Variants in NDUFAF6 observed in about 807,000 individuals in gnomAD.
The protein encoded by NDUFAF6 is NADH:ubiquinone oxidoreductase complex assembly factor 6.
In NDUFAF6, 45 loss-of-function variants were observed where a neutral mutation model predicts 40.8. That is an observed-to-expected ratio of 1.10 (90% CI 0.87 to 1.42). NDUFAF6 has a LOEUF of 1.42. NDUFAF6 is among the 40% of genes most tolerant of loss of function. The pLI is 0.00. For synonymous variants in NDUFAF6, 185 were observed against 155.9 expected (o/e 1.19, Z -1.39); for missense variants, 435 against 418.5 (o/e 1.04, Z -0.34).
chr8:95,005,552 TAAAA>T (rs869215515), intron 2 of NDUFAF6, among the ~76,000 whole-genome samples: 1 of 112,204 alleles, frequency 8.9e-6, no homozygotes, highest in Admixed American at 9.0e-5. Context: ...TATATATATA[TAAAA>T]AATATATTAA....
chr8:94,974,001 G>A (rs1365644410), intron 1 of NDUFAF6, among the ~76,000 whole-genome samples: 1 of 152,072 alleles, frequency 6.6e-6, no homozygotes, highest in Non-Finnish European at 1.5e-5. Context: ...AACCAACTAA[G>A]ATAAGGGTGT....
At chr8:94,946,752 G>A (rs1004956221) in intron 2 of NDUFAF6, among the ~76,000 whole-genome samples, 1 of 142,224 alleles carries the variant, frequency 7.0e-6, no homozygotes, top group African/African-American at 2.6e-5. Context: ...TCTTGGCTCT[G>A]CTACTTGCAA....
chr8:95,097,556 G>A (rs1044795152), upstream of NDUFAF6, among the ~76,000 whole-genome samples: 25 of 152,116 alleles, frequency 1.6e-4, no homozygotes, highest in African/African-American at 5.1e-4. Context: ...AAAATTAGCC[G>A]GGCATGGTGG....
At chr8:95,024,911 C>G (rs928623522), upstream of NDUFAF6, 5 of 1,095,950 alleles carry the variant, frequency 4.6e-6, no homozygotes, top group Middle Eastern at 3.3e-4. Flanking sequence ...GGCTGCCTTC[C>G]CGCGACTCAA....
intron 1 of NDUFAF6, among the ~76,000 whole-genome samples, chr8:94,943,547 C>T (rs116050457): frequency 6.6e-6 from 1 of 152,172 alleles, no homozygotes; most frequent in South Asian, 2.1e-4. Context: ...CCTCACTAAT[C>T]ACCACCTCTT....
At chr8:94,919,246 A>G (rs1028019606) in intron 1 of NDUFAF6, among the ~76,000 whole-genome samples, 2 of 152,118 alleles carry the variant, frequency 1.3e-5, no homozygotes, top group African/African-American at 4.8e-5. Flanking sequence ...CAGAGGCACA[A>G]TCACAGCTCA....
intron 2 of NDUFAF6, among the ~76,000 whole-genome samples, chr8:94,987,205 A>G (rs1005199696): frequency 2.0e-5 from 3 of 152,172 alleles, no homozygotes; most frequent in Admixed American, 2.0e-4. Flanking sequence ...AAAATTTTTA[A>G]GCCAATGCAG....
At position 95,025,043 on chromosome 8, in the gene NDUFAF6, C is replaced by T. The variant is rs528386463; in HGVS notation, c.35C>T (p.Pro12Leu). ...TCCGCGCACGGCTCTGTCTGGGGGC[C>T]GTTGCGGCTTGGCATCCCCGGCCTG... ...AASAHGSVWG[P>L]LRLGIPGLCC... The change falls in exon 1 of 9, where the codon CCG (proline) becomes CTG (leucine). Residue 12 changes from proline to leucine, a missense_variant. Coordinates refer to ENST00000396124, the MANE Select transcript of NDUFAF6 (RefSeq NM_152416.4). The T allele has an allele frequency of 5.6e-6, 8 of 1,418,770 alleles. No individual in the cohort carries two copies. The highest frequency in any genetic ancestry group is 3.2e-5 in the Admixed American group (1 of 31,170). The allele number at this position is 1,418,770 out of a possible 1,614,324, so 87.9% of individuals were successfully genotyped here.
intron 3 of NDUFAF6, among the ~76,000 whole-genome samples, chr8:95,040,147 A>G (rs575381442): frequency 6.6e-6 from 1 of 151,970 alleles, no homozygotes; most frequent in Non-Finnish European, 1.5e-5. Context: ...CCTTTATGAC[A>G]TGTATATTTT....
chr8:94,903,094 G>A lies in NDUFAF6; in HGVS notation c.-936+7167G>A, dbSNP rs537653165. Among the ~76,000 whole-genome samples the A allele has an allele frequency of 1.7e-4, 26 of 152,246 alleles. 1 individual carries two copies. In the South Asian group the frequency reaches 3.7e-3, roughly 22 times the overall value. ...TATTTTGAGAACTAATAGGGGCTGG[G>A]TGCAGTGGCTCACACTTATAATCCC... On this transcript the variant is annotated intron_variant, in intron 1 of 14. Coordinates refer to the NDUFAF6 transcript ENST00000396113.
intron 2 of NDUFAF6, among the ~76,000 whole-genome samples, chr8:94,952,346 A>G (rs1822694525): frequency 6.6e-6 from 1 of 152,258 alleles, no homozygotes; most frequent in Non-Finnish European, 1.5e-5. Flanking sequence ...GGGCAGCCTC[A>G]GAACACAAAG....
intron 2 of NDUFAF6, chr8:94,950,272 CAA>C (rs1822473327): frequency 6.6e-6 from 1 of 152,290 alleles, no homozygotes; most frequent in Non-Finnish European, 1.5e-5. Flanking sequence ...TTTATAGTGA[CAA>C]GAGAGTGAGA....
At chr8:95,064,289 T>C (rs1420257734) in intron 9 of NDUFAF6, among the ~76,000 whole-genome samples, 1 of 152,140 alleles carries the variant, frequency 6.6e-6, no homozygotes, top group Non-Finnish European at 1.5e-5. Context: ...TTCTTGTAAG[T>C]TGTTCCATTT....
At chr8:95,042,725 C>A (rs1830283163) in intron 4 of NDUFAF6, among the ~76,000 whole-genome samples, 1 of 152,138 alleles carries the variant, frequency 6.6e-6, no homozygotes, top group African/African-American at 2.4e-5. Flanking sequence ...GCTCACATTT[C>A]CTGATTTCAG....
At chr8:94,965,564 A>G (rs747046386) in intron 1 of NDUFAF6, among the ~76,000 whole-genome samples, 13 of 152,244 alleles carry the variant, frequency 8.5e-5, no homozygotes, top group Non-Finnish European at 1.6e-4. Context: ...GGCCATAGGA[A>G]TAAGCCAGAC....
intron 5 of NDUFAF6, 129 bp downstream of exon 5, chr8:95,045,776 GT>G (rs143855425): frequency 2.3e-5 from 15 of 662,870 alleles, no homozygotes; most frequent in African/African-American, 5.5e-5. Flanking sequence ...TAAAGGAACA[GT>G]TTTTTTTGTT....
At chr8:95,096,927 C>G (rs1809481279), upstream of NDUFAF6, among the ~76,000 whole-genome samples, 1 of 152,184 alleles carries the variant, frequency 6.6e-6, no homozygotes, top group Admixed American at 6.5e-5. Context: ...AAAGTGGAGG[C>G]AGAGATGTTG....
intron 2 of NDUFAF6, chr8:94,983,962 A>G (rs756879208): frequency 6.6e-6 from 1 of 152,158 alleles, no homozygotes; most frequent in South Asian, 2.1e-4. Flanking sequence ...CTCTGCTCCA[A>G]TGAGCTGTAT....
At chr8:95,014,245 C>T (rs1199190909) in intron 2 of NDUFAF6, among the ~76,000 whole-genome samples, 2 of 152,034 alleles carry the variant, frequency 1.3e-5, no homozygotes, top group Non-Finnish European at 2.9e-5. Context: ...TTAGATGGGG[C>T]GGGGAGTGTG....
Sources: gnomAD v4.1 joint callset for allele counts (sites outside exome capture counted in the v4.1 genomes callset) on GRCh38, gnomAD v4.1.1 for gene constraint, MANE v1.5 for transcripts, NCBI Gene and HGNC (gene_info 2026-07-23, HGNC 2026-07-21) for gene names.